The following GSG1L variants were observed in gnomAD, a reference collection of about 807,000 sequenced individuals.
GSG1L encodes germ cell-specific gene 1-like protein.
GSG1L carries 24 observed loss-of-function variants against 42.1 expected under a neutral mutation model. That is an observed-to-expected ratio of 0.57 (90% CI 0.41 to 0.80). The LOEUF is 0.80. Among genes scored for constraint, GSG1L ranks in the 30% least tolerant of loss-of-function variants. The probability of loss-of-function intolerance (pLI) is 0.00; values close to 1 mark genes in which losing one functional copy is unlikely to be tolerated. For missense variants in GSG1L, 445 were observed against 472.2 expected, an observed-to-expected ratio of 0.94 and a Z score of 0.53; for synonymous variants, 215 against 203.5, an observed-to-expected ratio of 1.06 and a Z score of -0.48.
intron 1 of GSG1L, among the ~76,000 whole-genome samples, chr16:28,032,616 A>G (rs994279346): frequency 6.6e-6 from 1 of 152,176 alleles, no homozygotes; most frequent in African/African-American, 2.4e-5. Flanking sequence ...TAACCCGGCC[A>G]GGTCTGAATT....
chr16:27,947,967 A>G (rs74015173), intron 2 of GSG1L, among the ~76,000 whole-genome samples: 5,328 of 152,284 alleles, frequency 0.035, 310 homozygotes, highest in African/African-American at 0.12. Context: ...GGAGGGCCTC[A>G]GAGAATCACA....
chr16:28,039,128 G>A (rs1294936561), intron 1 of GSG1L, among the ~76,000 whole-genome samples: 1 of 152,148 alleles, frequency 6.6e-6, no homozygotes, highest in Non-Finnish European at 1.5e-5. Context: ...TATTGATAAT[G>A]GCTCCTGGTC....
intron 2 of GSG1L, among the ~76,000 whole-genome samples, chr16:27,930,161 G>A (rs915379753): frequency 4.6e-5 from 7 of 151,510 alleles, no homozygotes; most frequent in Admixed American, 1.3e-4. Context: ...CCTAGCAGCC[G>A]ATTGACTTAG....
At chr16:27,822,307 G>T (rs115767161) in intron 5 of GSG1L, among the ~76,000 whole-genome samples, 1 of 152,132 alleles carries the variant, frequency 6.6e-6, no homozygotes, top group Non-Finnish European at 1.5e-5. Context: ...TTCTTCAGGC[G>T]TTCCACAAGG....
At chr16:27,796,629 C>G (rs115818976) in intron 6 of GSG1L, among the ~76,000 whole-genome samples, 1 of 152,288 alleles carries the variant, frequency 6.6e-6, no homozygotes, top group East Asian at 1.9e-4. Context: ...TTGAGTGGGA[C>G]GGACCCGTAT....
intron 1 of GSG1L, among the ~76,000 whole-genome samples, chr16:28,012,713 G>T (rs889504545): frequency 6.6e-6 from 1 of 151,974 alleles, no homozygotes; most frequent in South Asian, 2.1e-4. Context: ...CAGCAAGACC[G>T]TGTCTCTATG....
intron 5 of GSG1L, among the ~76,000 whole-genome samples, chr16:27,811,014 T>C (rs1381178731): frequency 6.6e-6 from 1 of 151,660 alleles, no homozygotes; most frequent in Non-Finnish European, 1.5e-5. Flanking sequence ...TAAAAACATC[T>C]TGGCTATTTT....
rs1481680627 is a variant in GSG1L, at chr16:27,788,597, C to T, written c.*2773G>A. The T allele has an allele frequency of 6.6e-6, 1 of 152,246 alleles. No individual in the cohort carries two copies. The highest frequency in any genetic ancestry group is 1.5e-5 in the Non-Finnish European group (1 of 68,052). 9.4% of individuals were successfully genotyped at this position (152,246 alleles called of 1,614,324 possible). The stretch of plus-strand genomic sequence containing the variant: ...TCCTCTAATGTACTTTCTTTCCCTG[C>T]TATACTCTTGCCTGGCTGATGCCCA... On this transcript the variant is annotated 3_prime_UTR_variant, in exon 7 of 7. Coordinates refer to ENST00000447459, the MANE Select transcript of GSG1L (RefSeq NM_001109763.2).
intron 2 of GSG1L, among the ~76,000 whole-genome samples, chr16:27,956,925 T>C (rs749054841): frequency 2.6e-5 from 4 of 152,232 alleles, no homozygotes; most frequent in Non-Finnish European, 4.4e-5. Flanking sequence ...GATTATCCTG[T>C]GGGTCACAGT....
rs74015165 is a variant in GSG1L at position 27,933,012 on chromosome 16, G to T, written c.397+30144C>A. 3.5e-3 allele frequency among the ~76,000 whole-genome samples: 535 copies of T among 152,156 alleles called. 8 individuals are homozygous for T. The highest frequency in any genetic ancestry group is 0.012 in the African/African-American group (517 of 41,498). On this transcript the variant is annotated intron_variant, in intron 2 of 6. Transcript: ENST00000447459. ...CACTTGCTGAGTGGTGGGGTGATTT[G>T]TTACACAGCCTTACTGCAGGAATAG...
intron 2 of GSG1L, among the ~76,000 whole-genome samples, chr16:27,895,922 G>A (rs2141037265): frequency 6.6e-6 from 1 of 152,304 alleles, no homozygotes; most frequent in Admixed American, 6.5e-5. Context: ...ACACAGGCCT[G>A]GAGATGACTG....
intron 3 of GSG1L, among the ~76,000 whole-genome samples, chr16:27,855,489 G>A (rs2140994302): frequency 6.6e-6 from 1 of 152,224 alleles, no homozygotes; most frequent in South Asian, 2.1e-4. Flanking sequence ...GGAGGCAGAG[G>A]TGCATGGATC....
At position 28,000,928 on chromosome 16, in the gene GSG1L, T is replaced by C. The variant is rs2085572863; in HGVS notation, c.350-37725A>G. Among the ~76,000 whole-genome samples the C allele has an allele frequency of 2.6e-5, 4 of 152,178 alleles. No homozygotes were observed. In the South Asian group the frequency reaches 8.3e-4, roughly 32 times the overall value. ...TCTTTCCAAACCCCACCATTCTCCT[T>C]GCCTGTTCCTCATCTTCTAGCGTCA... is the stretch of plus-strand genomic sequence containing the variant. On this transcript the variant is annotated intron_variant, in intron 1 of 6. Transcript: ENST00000447459.
intron 2 of GSG1L, among the ~76,000 whole-genome samples, chr16:27,903,574 T>G (rs555798057): frequency 3.9e-4 from 60 of 152,262 alleles, no homozygotes; most frequent in African/African-American, 1.4e-3. Flanking sequence ...CAACTTTTCT[T>G]CCCACCTCTC....
rs143512260 is a variant in GSG1L at position 27,937,175 on chromosome 16, A to G, written c.397+25981T>C. Among the ~76,000 whole-genome samples the G allele has an allele frequency of 2.3e-3, 348 of 152,034 alleles. 1 individual carries two copies. The highest frequency in any genetic ancestry group is 7.6e-3 in the African/African-American group (316 of 41,446). On this transcript the variant is annotated intron_variant, in intron 2 of 6. Coordinates refer to ENST00000447459, the MANE Select transcript of GSG1L (RefSeq NM_001109763.2). ...AGTGTTTCCAGGGACATTTGTCTCA[A>G]TGGGAACCTTTGGGCAGCCTAGAAT...
At chr16:27,926,672 G>C (rs1369030449) in intron 2 of GSG1L, among the ~76,000 whole-genome samples, 4 of 152,190 alleles carry the variant, frequency 2.6e-5, no homozygotes, top group Non-Finnish European at 5.9e-5. Context: ...CTGGGCGACA[G>C]AGCGAGACTC....
intron 1 of GSG1L, among the ~76,000 whole-genome samples, chr16:28,013,767 G>A (rs1260483666): frequency 2.0e-5 from 3 of 152,256 alleles, no homozygotes. Context: ...CACCAAAGCT[G>A]GTTTCTCTTC....
chr16:28,017,866 GTTAAC>G (rs1474242454), intron 1 of GSG1L, among the ~76,000 whole-genome samples: 2 of 152,190 alleles, frequency 1.3e-5, no homozygotes, highest in East Asian at 3.8e-4. Flanking sequence ...AAGGATACTG[GTTAAC>G]TTTGGGGAGG....
intron 6 of GSG1L, among the ~76,000 whole-genome samples, chr16:27,795,515 C>T (rs749756): frequency 2.6e-5 from 4 of 152,208 alleles, no homozygotes; most frequent in African/African-American, 9.6e-5. Context: ...CCAGCAGGCA[C>T]CCTGCAGAGA....
Sources: allele counts gnomAD v4.1 joint callset (sites outside exome capture counted in the v4.1 genomes callset), GRCh38; gene constraint gnomAD v4.1.1; transcripts MANE v1.5; gene names NCBI Gene and HGNC (gene_info 2026-07-23, HGNC 2026-07-21).